The following FBLN1 variants were observed in gnomAD, a reference collection of about 807,000 sequenced individuals.
The protein encoded by FBLN1 is fibulin 1.
A neutral mutation model predicts 89.7 loss-of-function variants in FBLN1; 34 were observed. The ratio of observed to expected loss-of-function variants is 0.38; its 90% CI spans 0.29 to 0.50. FBLN1 has a LOEUF of 0.50. Among genes scored for constraint, FBLN1 ranks in the 20% least tolerant of loss-of-function variants. The pLI is 0.92. For synonymous variants in FBLN1, 393 were observed against 391.3 expected, an observed-to-expected ratio of 1.00 and a Z score of -0.05; for missense variants, 777 against 988.1, an observed-to-expected ratio of 0.79 and a Z score of 2.86.
intron 2 of FBLN1, chr22:45,523,069 C>T (rs767411071): frequency 3.6e-5 from 27 of 744,670 alleles, no homozygotes; most frequent in South Asian, 5.7e-5. Context: ...GGCTTCTGCT[C>T]ATGGTGGGTT....
At chr22:45,586,517 G>A (rs2089087332) in intron 16 of FBLN1, among the ~76,000 whole-genome samples, 1 of 152,262 alleles carries the variant, frequency 6.6e-6, no homozygotes, top group Non-Finnish European at 1.5e-5. Context: ...CAGCGGGAGG[G>A]TGGAAGGAAG....
At chr22:45,518,127 C>CA (rs136717) in intron 1 of FBLN1, among the ~76,000 whole-genome samples, 103,678 of 122,258 alleles carry the variant, frequency 0.85, 43,810 homozygotes, top group Middle Eastern at 0.96. Flanking sequence ...GACTCTGTCT[C>CA]AAAAAAAAAA....
chr22:45,564,771 G>T lies in FBLN1; in HGVS notation c.1698-9740G>T. On this transcript the variant is annotated intron_variant, in intron 14 of 16. Coordinates refer to ENST00000327858, the MANE Select transcript of FBLN1 (RefSeq NM_006486.3). ...TTCCCAGCTCCTTGCAAGACATCTC[G>T]CGTGCAGAAGGTGCTCTGTCAATGT... 4.7e-6 allele frequency: 6 copies of T among 1,274,980 alleles called. No homozygotes were observed. The South Asian group carries it at 7.6e-5, about 16-fold the overall frequency. 79.0% of individuals were successfully genotyped at this position (1,274,980 alleles called of 1,614,324 possible).
rs543488620 is a variant in FBLN1, at chr22:45,569,279, G to A, written c.1698-5232G>A. On this transcript the variant is annotated intron_variant, in intron 14 of 16. Coordinates refer to ENST00000327858, the MANE Select transcript of FBLN1 (RefSeq NM_006486.3). The stretch of plus-strand genomic sequence containing the variant: ...ATCTCCAAATGCAGTCACATTCAAC[G>A]AGGTAATTAAGGTAAAAGTGAGATC... 2.6e-4 allele frequency among the ~76,000 whole-genome samples: 40 copies of A among 152,242 alleles called. No homozygotes were observed. In the South Asian group the frequency reaches 6.6e-3, roughly 25 times the overall value.
At position 45,547,180 on chromosome 22, in the gene FBLN1, G is replaced by A. The variant is rs775754823; in HGVS notation, c.1417G>A (p.Asp473Asn). 1.4e-5 allele frequency: 22 copies of A among 1,613,950 alleles called. No individual in the cohort carries two copies. The highest frequency in any genetic ancestry group is 1.6e-4 in the Middle Eastern group (1 of 6,084). ...CYCRRGYQLS[D>N]VDGVTCEDID... ...CTGCCGGCGAGGCTACCAGCTCAGC[G>A]ATGTGGATGGAGTCACCTGTGAAGG... The change falls in exon 12 of 17, where the codon GAT (aspartate) becomes AAT (asparagine). Residue 473 changes from aspartate to asparagine, a missense_variant. Transcript: ENST00000327858.
In FBLN1 at chr22:45,563,259, A is replaced by G. The variant is rs780927771; in HGVS notation, c.1698-11252A>G. ...AAGCTTTTCATCTTTGTGTCTGCAG[A>G]GCTCTGAGCACTCGCTTCGCGTCGC... On this transcript the variant is annotated intron_variant, in intron 14 of 16. Coordinates refer to ENST00000327858, the MANE Select transcript of FBLN1 (RefSeq NM_006486.3). This position sits in a 1 kb window ranked among gnomAD's most constrained non-coding sequence, Gnocchi z 5.7. 1 of 1,613,580 alleles carries G rather than the reference A, an allele frequency of 6.2e-7. No homozygotes were observed. The highest frequency in any genetic ancestry group is 8.5e-7 in the Non-Finnish European group (1 of 1,180,032).
Position 45,533,915 on chromosome 22 carries a change from G to A in FBLN1, c.784+17G>A, listed in dbSNP as rs566373261. The stretch of plus-strand genomic sequence containing the variant: ...GCTGCAAAGGTACAGCATGCGCTCC[G>A]AGTCTGCAAACCTGGTCTTCCAGGC... On this transcript the variant is annotated intron_variant, in intron 7 of 16. Coordinates refer to ENST00000327858, the MANE Select transcript of FBLN1 (RefSeq NM_006486.3). 2.4e-5 allele frequency: 38 copies of A among 1,613,546 alleles called. No individual in the cohort carries two copies. Among genetic ancestry groups the A allele is most frequent in the Middle Eastern group, 1.7e-4 (1 of 6,060 alleles).
At chr22:45,564,197 C>T (rs1485347298) in intron 14 of FBLN1, among the ~76,000 whole-genome samples, 1 of 152,140 alleles carries the variant, frequency 6.6e-6, no homozygotes, top group Non-Finnish European at 1.5e-5. Context: ...TAACCCCCTG[C>T]CTCCCTCCAT....
rs1569260403 is a variant in FBLN1, at chr22:45,568,752, GGGGAGTGCTCCTTCTGTAA to G, written c.1698-5754_1698-5736del. ...AATGCTCCTGTAGGGGACTTCTGTA[GGGGAGTGCTCCTTCTGTAA>G]GGGAATGCTCCTCCTGTAAGGGAAT... On this transcript the variant is annotated intron_variant, in intron 14 of 16. Transcript: ENST00000327858. Among the ~76,000 whole-genome samples the G allele has an allele frequency of 6.0e-4, 20 of 33,560 alleles. 7 individuals carry two copies. The highest frequency in any genetic ancestry group is 2.5e-3 in the African/African-American group (19 of 7,680). 22.0% of individuals were successfully genotyped at this position (33,560 alleles called of 152,430 possible). A position where few individuals can be genotyped will look rare whatever the true frequency, so the allele number is the denominator to read the frequency against.
chr22:45,503,585 A>AG (rs988640129), intron 1 of FBLN1: 4 of 152,292 alleles, frequency 2.6e-5, no homozygotes, highest in African/African-American at 7.2e-5. Flanking sequence ...GTCCTGGGAT[A>AG]GGGGCTGGAG....
chr22:45,536,580 T>C lies in FBLN1; in HGVS notation c.922+1243T>C, dbSNP rs1252902681. 6.6e-6 allele frequency among the ~76,000 whole-genome samples: 1 copy of C among 151,722 alleles called. No homozygotes were observed. The highest frequency in any genetic ancestry group is 1.9e-4 in the East Asian group (1 of 5,158). On this transcript the variant is annotated intron_variant, in intron 8 of 16. Coordinates refer to ENST00000327858, the MANE Select transcript of FBLN1 (RefSeq NM_006486.3). This position sits in a 1 kb window ranked among gnomAD's most constrained non-coding sequence, Gnocchi z 5.1. ...AGGAGTTTGAGACCAGCCTGACCAATATAGTGAAACCCCATCTCTACTAAA... is the reference window on the plus strand; with the variant it reads ...AGGAGTTTGAGACCAGCCTGACCAACATAGTGAAACCCCATCTCTACTAAA...
At chr22:45,548,528 T>G in intron 12 of FBLN1, 85 bp from the exon 13 acceptor site, 1 of 1,582,734 alleles carries the variant, frequency 6.3e-7, no homozygotes, top group East Asian at 2.3e-5. Flanking sequence ...CGGGCCCCAG[T>G]GCAGCCCCCA....
Position 45,595,602 on chromosome 22 carries a change from C to T in FBLN1, c.1973-4705C>T, listed in dbSNP as rs187771139. Among the ~76,000 whole-genome samples the T allele has an allele frequency of 2.1e-4, 17 of 81,778 alleles. No individual in the cohort carries two copies. In the East Asian group the frequency reaches 3.6e-3, roughly 17 times the overall value. 53.6% of individuals were successfully genotyped at this position (81,778 alleles called of 152,430 possible). A position where few individuals can be genotyped will look rare whatever the true frequency, so the allele number is the denominator to read the frequency against. ...TTCAGCCATTGTAGAGACCAAACCTCGTGAAGTACTCTGGTGCAATGTATT... is the reference window on the plus strand; with the variant it reads ...TTCAGCCATTGTAGAGACCAAACCTTGTGAAGTACTCTGGTGCAATGTATT... On this transcript the variant is annotated intron_variant, in intron 16 of 16. Coordinates refer to ENST00000327858, the MANE Select transcript of FBLN1 (RefSeq NM_006486.3).
chr22:45,574,583 C>T lies in FBLN1; in HGVS notation c.1770C>T (p.Phe590=), dbSNP rs749115870. The change falls in exon 15 of 17, where the codon TTC becomes TTT. Residue 590 remains phenylalanine (F), a synonymous_variant. Transcript: ENST00000327858. This position sits in a 1 kb window ranked among gnomAD's most constrained non-coding sequence, Gnocchi z 4.1. ...GCCCCAACGATGTCACATGCGTGTTCGACCCCGTGCACACCATCTCCCACA... is the reference window on the plus strand; with the variant it reads ...GCCCCAACGATGTCACATGCGTGTTTGACCCCGTGCACACCATCTCCCACA... ...SCRPNDVTCV[F]DPVHTISHTV... 26 of 1,614,000 alleles carry T rather than the reference C, an allele frequency of 1.6e-5. No homozygotes were observed. Among genetic ancestry groups the T allele is most frequent in the Non-Finnish European group, 1.9e-5 (22 of 1,180,010 alleles).
At position 45,580,988 on chromosome 22, in the gene FBLN1, G is replaced by A. The variant is rs2089037624; in HGVS notation, c.1972+3880G>A. The stretch of plus-strand genomic sequence containing the variant: ...AATGAAGAATGCGTTTTCGCCCTGT[G>A]CAAAAATGCTCCATTAATGCCCGAG... On this transcript the variant is annotated intron_variant, in intron 16 of 16. Coordinates refer to ENST00000327858, the MANE Select transcript of FBLN1 (RefSeq NM_006486.3). The surrounding 1 kb of genome is among the most constrained non-coding windows in gnomAD (Gnocchi z 8.6). Among the ~76,000 whole-genome samples, 2 of 152,230 alleles carry A rather than the reference G, an allele frequency of 1.3e-5. No homozygotes were observed. Among genetic ancestry groups the A allele is most frequent in the Admixed American group, 1.3e-4 (2 of 15,274 alleles).
intron 7 of FBLN1, among the ~76,000 whole-genome samples, chr22:45,534,638 G>A (rs1361346029): frequency 6.6e-6 from 1 of 152,180 alleles, no homozygotes; most frequent in Non-Finnish European, 1.5e-5. Context: ...GGGCCACAGA[G>A]CAAATTCTGT....
chr22:45,576,896 G>A lies in FBLN1; in HGVS notation c.1841-81G>A. 3 of 1,568,498 alleles carry A rather than the reference G, an allele frequency of 1.9e-6. No individual in the cohort carries two copies. Among genetic ancestry groups the A allele is most frequent in the Non-Finnish European group, 2.6e-6 (3 of 1,148,140 alleles). ...CCTGGGTTAGGTCTTCATTCCCCAAGGGTGAGTTCCTGGGGACGAGGCTGG... is the reference window on the plus strand; with the variant it reads ...CCTGGGTTAGGTCTTCATTCCCCAAAGGTGAGTTCCTGGGGACGAGGCTGG... On this transcript the variant is annotated intron_variant, in intron 15 of 16. Coordinates refer to ENST00000327858, the MANE Select transcript of FBLN1 (RefSeq NM_006486.3). This position sits in a 1 kb window ranked among gnomAD's most constrained non-coding sequence, Gnocchi z 5.2.
At position 45,518,843 on chromosome 22, in the gene FBLN1, G is replaced by T. The variant is rs867934033; in HGVS notation, c.185+56G>T. The T allele has an allele frequency of 9.2e-6, 13 of 1,408,234 alleles. No individual in the cohort carries two copies. The East Asian group carries it at 9.9e-5, about 11-fold the overall frequency. The allele number at this position is 1,408,234 out of a possible 1,614,324, so 87.2% of individuals were successfully genotyped here. On this transcript the variant is annotated intron_variant, in intron 2 of 16. Transcript: ENST00000327858. ...GAACAATGTTCCTTTAGAGAAAAGT[G>T]GGGGAGGAAGGGACAGTGTGTGCCA...
At chr22:45,548,816 G>A in intron 13 of FBLN1, 72 bp downstream of exon 13, 1 of 1,591,950 alleles carries the variant, frequency 6.3e-7, no homozygotes, top group Non-Finnish European at 8.5e-7. Flanking sequence ...GGCTGAGGCT[G>A]GGCTCGGGGG....
Sources: gnomAD v4.1 joint callset for allele counts (sites outside exome capture counted in the v4.1 genomes callset) on GRCh38, gnomAD v4.1.1 for gene constraint, Gnocchi (gnomAD v3.1) non-coding constraint, MANE v1.5 for transcripts, NCBI Gene and HGNC (gene_info 2026-07-23, HGNC 2026-07-21) for gene names.